CEMIP: variants seen among roughly 807,000 people sequenced by gnomAD.
CEMIP encodes the protein cell migration-inducing and hyaluronan-binding protein.
In CEMIP, 105 loss-of-function variants were observed where a neutral mutation model predicts 156.9. The ratio of observed to expected loss-of-function variants is 0.67; its 90% CI spans 0.57 to 0.79. The LOEUF is 0.79. Ranked by LOEUF, CEMIP falls within the 30% of genes least tolerant of loss-of-function variation. The probability of loss-of-function intolerance (pLI) is 0.00; values close to 1 mark genes in which losing one functional copy is unlikely to be tolerated. For synonymous variants in CEMIP, 676 were observed against 668.4 expected (o/e 1.01, Z -0.17); for missense variants, 1,457 against 1,769.4 (o/e 0.82, Z 3.17).
At chr15:80,868,117 G>T (rs1360169518) in intron 1 of CEMIP, among the ~76,000 whole-genome samples, 2 of 152,132 alleles carry the variant, frequency 1.3e-5, no homozygotes, top group Non-Finnish European at 2.9e-5. Context: ...AGTCCTCCAG[G>T]AGCCACGGCA....
intron 5 of CEMIP, 101 bp downstream of exon 5, chr15:80,879,955 AG>A: frequency 7.5e-7 from 1 of 1,336,186 alleles, no homozygotes; most frequent in South Asian, 1.2e-5. Flanking sequence ...CTTGCCTGTA[AG>A]ATAGGAATCA....
At chr15:80,873,759 G>C in intron 2 of CEMIP, 63 bp downstream of exon 2, 1 of 779,668 alleles carries the variant, frequency 1.3e-6, no homozygotes, top group Non-Finnish European at 2.2e-6. Flanking sequence ...TGCCTGTCCC[G>C]TGTCTGTGTG....
rs896759791 is a variant in CEMIP at position 80,939,486 on chromosome 15, C to A, written c.3407+1507C>A. ...TAACAGATGTTGATAAGGTAAAGTC[C>A]CTGGGATACCATCCATGCAGATTTT... On this transcript the variant is annotated intron_variant, in intron 25 of 29. Transcript: ENST00000394685. 7.2e-5 allele frequency among the ~76,000 whole-genome samples: 11 copies of A among 152,252 alleles called. No individual in the cohort carries two copies. In the Middle Eastern group the frequency reaches 0.01, roughly 141 times the overall value.
intron 1 of CEMIP, among the ~76,000 whole-genome samples, chr15:80,808,779 G>A (rs567818415): frequency 1.8e-3 from 160 of 89,274 alleles, no homozygotes; most frequent in African/African-American, 5.6e-3. Context: ...ATAACATATG[G>A]GGAAGCCAAA....
chr15:80,923,079 T>A (rs1900533557), intron 17 of CEMIP, among the ~76,000 whole-genome samples: 2 of 152,002 alleles, frequency 1.3e-5, no homozygotes, highest in Non-Finnish European at 2.9e-5. Flanking sequence ...AGAGATGCAG[T>A]CTCAGAATAG....
chr15:80,821,329 A>T (rs1312798432), intron 1 of CEMIP, among the ~76,000 whole-genome samples: 1 of 152,208 alleles, frequency 6.6e-6, no homozygotes, highest in Non-Finnish European at 1.5e-5. Context: ...AGAGAAGCAG[A>T]GGTCAAGTTA....
intron 25 of CEMIP, among the ~76,000 whole-genome samples, chr15:80,939,733 G>C (rs1450212983): frequency 6.6e-6 from 1 of 152,094 alleles, no homozygotes; most frequent in African/African-American, 2.4e-5. Context: ...CCAGGAGTTG[G>C]GTTATAGGGG....
At chr15:80,862,559 A>C (rs538229936) in intron 1 of CEMIP, among the ~76,000 whole-genome samples, 1 of 152,298 alleles carries the variant, frequency 6.6e-6, no homozygotes, top group South Asian at 2.1e-4. Context: ...TGGCTGTGGA[A>C]CATGTAACTG....
intron 8 of CEMIP, among the ~76,000 whole-genome samples, chr15:80,888,445 C>T (rs890979238): frequency 6.6e-6 from 1 of 152,162 alleles, no homozygotes; most frequent in African/African-American, 2.4e-5. Context: ...GAATTCAGAC[C>T]GTGAGACATG....
At chr15:80,880,497 C>T (rs1197259538) in intron 5 of CEMIP, among the ~76,000 whole-genome samples, 1 of 152,148 alleles carries the variant, frequency 6.6e-6, no homozygotes, top group Non-Finnish European at 1.5e-5. Flanking sequence ...AGTGCAGTGG[C>T]ATGAGCTCAG....
chr15:80,806,077 G>A (rs1331707225), intron 1 of CEMIP, among the ~76,000 whole-genome samples: 1 of 152,154 alleles, frequency 6.6e-6, no homozygotes, highest in African/African-American at 2.4e-5. Flanking sequence ...AGCTGGTGAG[G>A]GCAAAGACAA....
Position 80,941,983 on chromosome 15 carries a change from C to T in CEMIP, c.3542C>T (p.Ala1181Val), listed in dbSNP as rs1285780407. Reference protein sequence around the residue: ...NAGVSDCTATAYPKFTERAVV... With the variant: ...NAGVSDCTATVYPKFTERAVV... ...GGCGTCAGTGACTGCACAGCCACAG[C>T]TTACCCCAAGTTCACCGAGAGGGCT... Residue 1181 changes from alanine to valine, a missense_variant, in exon 26 of 30, where the codon GCT (alanine) becomes GTT (valine). Physicochemically the swap from Ala to Val is moderately conservative, Grantham distance 64. This residue lies in a region of CEMIP where 798 missense variants were observed against 980.1 expected (regional missense o/e 0.81). Coordinates refer to ENST00000394685, the MANE Select transcript of CEMIP (RefSeq NM_001293298.2). 1.2e-6 allele frequency: 2 copies of T among 1,613,946 alleles called. No homozygotes were observed. Among genetic ancestry groups the T allele is most frequent in the East Asian group, 2.2e-5 (1 of 44,882 alleles).
At chr15:80,836,912 G>T (rs2141693650) in intron 1 of CEMIP, among the ~76,000 whole-genome samples, 1 of 152,352 alleles carries the variant, frequency 6.6e-6, no homozygotes, top group South Asian at 2.1e-4. Flanking sequence ...TGGAGTCCTA[G>T]AAGATGTCCT....
intron 1 of CEMIP, among the ~76,000 whole-genome samples, chr15:80,840,755 G>A (rs914822922): frequency 5.3e-5 from 8 of 152,194 alleles, no homozygotes; most frequent in Non-Finnish European, 8.8e-5. Flanking sequence ...GACCACTGCC[G>A]CCTGAGAGGG....
chr15:80,833,632 C>T (rs554349995), intron 1 of CEMIP, among the ~76,000 whole-genome samples: 3 of 151,042 alleles, frequency 2.0e-5, no homozygotes, highest in Admixed American at 2.0e-4. Context: ...TCCTCATCAT[C>T]ATCATTTGTA....
chr15:80,868,403 C>G (rs930933876), intron 1 of CEMIP, among the ~76,000 whole-genome samples: 3 of 152,148 alleles, frequency 2.0e-5, no homozygotes, highest in African/African-American at 7.2e-5. Context: ...AGCCAGACCA[C>G]CTGGGTTCAA....
chr15:80,919,814 CAAAA>C (rs11300537), intron 14 of CEMIP, among the ~76,000 whole-genome samples: 1 of 146,976 alleles, frequency 6.8e-6, no homozygotes, highest in African/African-American at 2.5e-5. Flanking sequence ...GACTCCATCT[CAAAA>C]AAAAAAAAAG....
intron 19 of CEMIP, among the ~76,000 whole-genome samples, chr15:80,927,020 G>T (rs946928836): frequency 2.6e-5 from 4 of 152,136 alleles, no homozygotes; most frequent in African/African-American, 9.7e-5. Flanking sequence ...CAGTAGAGAC[G>T]GGGTTTCACC....
At chr15:80,889,837 CA>C (rs749393016) in intron 10 of CEMIP, among the ~76,000 whole-genome samples, 1 of 152,186 alleles carries the variant, frequency 6.6e-6, no homozygotes, top group African/African-American at 2.4e-5. Flanking sequence ...CTTGCTTCTT[CA>C]GCCATGACTG....
Sources: allele counts gnomAD v4.1 joint callset (sites outside exome capture counted in the v4.1 genomes callset), GRCh38; gene constraint gnomAD v4.1.1; regional missense constraint gnomAD v4.1.1; transcripts MANE v1.5; gene names NCBI Gene and HGNC (gene_info 2026-07-23, HGNC 2026-07-21).